Variants in TBC1D12 observed in about 807,000 individuals in gnomAD.
TBC1D12 encodes the protein TBC1 domain family member 12.
TBC1D12 carries 56 observed loss-of-function variants against 86.7 expected under a neutral mutation model. The ratio of observed to expected loss-of-function variants is 0.65; its 90% CI spans 0.52 to 0.81. TBC1D12 has a LOEUF of 0.81. TBC1D12 is among the 30% of genes least tolerant of loss of function. The pLI is 0.00. For missense variants in TBC1D12, 1,023 were observed against 1,038.8 expected, an observed-to-expected ratio of 0.98 and a Z score of 0.21; for synonymous variants, 421 against 411.7, an observed-to-expected ratio of 1.02 and a Z score of -0.27.
Position 94,468,603 on chromosome 10 carries a change from CT to C in TBC1D12, c.1096-6064del, listed in dbSNP as rs542865369. On this transcript the variant is annotated intron_variant, in intron 2 of 12. Coordinates refer to ENST00000225235, the MANE Select transcript of TBC1D12 (RefSeq NM_015188.2). Reference sequence around the variant, plus strand: ...TTCAATATAAGTGCTTTTTTTCTGGCTGCTTTTAAAATATTCTTCTTACCAT... The same window carrying C: ...TTCAATATAAGTGCTTTTTTTCTGGCGCTTTTAAAATATTCTTCTTACCAT... Among the ~76,000 whole-genome samples the C allele has an allele frequency of 2.2e-3, 334 of 152,082 alleles. 2 individuals carry two copies. The highest frequency in any genetic ancestry group is 7.3e-3 in the African/African-American group (304 of 41,492).
At chr10:94,416,454 CT>C (rs1049638169) in intron 1 of TBC1D12, among the ~76,000 whole-genome samples, 3 of 152,124 alleles carry the variant, frequency 2.0e-5, no homozygotes, top group African/African-American at 7.2e-5. Context: ...AATTTCCCCC[CT>C]AGAGCCACAA....
At chr10:94,463,638 C>T (rs1464658699) in intron 2 of TBC1D12, among the ~76,000 whole-genome samples, 3 of 152,222 alleles carry the variant, frequency 2.0e-5, no homozygotes, top group Admixed American at 2.0e-4. Context: ...AATATTCAAA[C>T]CATAACAGTC....
chr10:94,465,263 T>A (rs1369395893), intron 2 of TBC1D12, among the ~76,000 whole-genome samples: 1 of 152,244 alleles, frequency 6.6e-6, no homozygotes, highest in Admixed American at 6.5e-5. Context: ...ATCTTCCAAA[T>A]GTTACAGCAT....
In TBC1D12 at chr10:94,486,124, TTTC is replaced by T. The variant is rs1168821054; in HGVS notation, c.1212-7226_1212-7224del. 3.3e-3 allele frequency among the ~76,000 whole-genome samples: 459 copies of T among 139,424 alleles called. 24 individuals are homozygous for T. The highest frequency in any genetic ancestry group is 7.3e-3 in the Middle Eastern group (2 of 274). The allele number at this position is 139,424 out of a possible 152,430, so 91.5% of individuals were successfully genotyped here. Reference sequence around the variant, plus strand: ...TCATTTATTTGTGCTCTTTTTCTTTTTTCTTCTTCTTCTTCTTTTTTTTTTTTT... The same window carrying T: ...TCATTTATTTGTGCTCTTTTTCTTTTTTCTTCTTCTTCTTTTTTTTTTTTT... On this transcript the variant is annotated intron_variant, in intron 3 of 12. Coordinates refer to ENST00000225235, the MANE Select transcript of TBC1D12 (RefSeq NM_015188.2).
intron 1 of TBC1D12, among the ~76,000 whole-genome samples, chr10:94,418,046 G>A (rs951308824): frequency 9.2e-5 from 14 of 152,200 alleles, no homozygotes; most frequent in African/African-American, 2.9e-4. Context: ...GAGCCACCGC[G>A]CCCGGCCCAT....
chr10:94,502,386 G>A (rs2056409286), intron 6 of TBC1D12, among the ~76,000 whole-genome samples: 1 of 151,456 alleles, frequency 6.6e-6, no homozygotes, highest in Non-Finnish European at 1.5e-5. Flanking sequence ...GATAAAATTA[G>A]AATAATATCA....
intron 9 of TBC1D12, among the ~76,000 whole-genome samples, chr10:94,517,966 A>T (rs1208284844): frequency 1.3e-5 from 2 of 152,150 alleles, no homozygotes; most frequent in Non-Finnish European, 2.9e-5. Context: ...CAGCCTGGCC[A>T]ACGTGGCGAA....
chr10:94,441,443 A>G (rs1346305321), intron 1 of TBC1D12, among the ~76,000 whole-genome samples: 2 of 152,166 alleles, frequency 1.3e-5, no homozygotes, highest in Non-Finnish European at 2.9e-5. Context: ...GTACATGTAC[A>G]GTCAATTCTA....
At chr10:94,501,799 C>G (rs1437120720) in intron 6 of TBC1D12, among the ~76,000 whole-genome samples, 1 of 151,850 alleles carries the variant, frequency 6.6e-6, no homozygotes, top group African/African-American at 2.4e-5. Flanking sequence ...CCACTTGCCT[C>G]AGCCTCCCAA....
chr10:94,521,505 C>T (rs1209441556), intron 9 of TBC1D12, among the ~76,000 whole-genome samples: 1 of 152,100 alleles, frequency 6.6e-6, no homozygotes, highest in African/African-American at 2.4e-5. Flanking sequence ...CACAACGTCT[C>T]CTTTCTTGGT....
intron 9 of TBC1D12, among the ~76,000 whole-genome samples, chr10:94,512,987 G>T (rs763774197): frequency 6.6e-5 from 10 of 152,108 alleles, no homozygotes; most frequent in Non-Finnish European, 1.2e-4. Flanking sequence ...GGTGGCTCAC[G>T]CCTGTAATCC....
intron 6 of TBC1D12, among the ~76,000 whole-genome samples, chr10:94,501,064 GAATGAATA>G (rs2056389098): frequency 7.2e-6 from 1 of 139,432 alleles, no homozygotes; most frequent in Admixed American, 7.1e-5. Context: ...TCAAATGAAT[GAATGAATA>G]AATGAATGAA....
chr10:94,471,680 C>A (rs998216708), intron 2 of TBC1D12, among the ~76,000 whole-genome samples: 1 of 152,162 alleles, frequency 6.6e-6, no homozygotes, highest in Non-Finnish European at 1.5e-5. Context: ...CCATCATCCA[C>A]CATGGCCATG....
chr10:94,436,879 T>C (rs769233374), intron 1 of TBC1D12, among the ~76,000 whole-genome samples: 95 of 152,132 alleles, frequency 6.2e-4, no homozygotes, highest in Middle Eastern at 6.8e-3. Flanking sequence ...AGCTAATTTT[T>C]GTATTTTTAG....
intron 1 of TBC1D12, among the ~76,000 whole-genome samples, chr10:94,424,143 T>A (rs2055117180): frequency 6.6e-6 from 1 of 152,198 alleles, no homozygotes; most frequent in Non-Finnish European, 1.5e-5. Flanking sequence ...CTTGAACATC[T>A]GAGAACTTTG....
intron 9 of TBC1D12, among the ~76,000 whole-genome samples, chr10:94,521,221 C>CAAAAAAAAAAAAAAACA (rs1842142295): frequency 4.1e-5 from 2 of 48,560 alleles, no homozygotes; most frequent in African/African-American, 6.7e-5. Flanking sequence ...AAAAAGAAAC[C>CAAAAAAAAAAAAAAACA]AAAAAAAAAA....
At chr10:94,529,474 C>T (rs1200911182) in intron 11 of TBC1D12, among the ~76,000 whole-genome samples, 1 of 152,088 alleles carries the variant, frequency 6.6e-6, no homozygotes, top group Non-Finnish European at 1.5e-5. Flanking sequence ...CAAAATTAGC[C>T]GGGCGTGGTG....
At chr10:94,510,241 G>A (rs1220841712) in intron 8 of TBC1D12, 62 bp downstream of exon 8, 2 of 1,229,180 alleles carry the variant, frequency 1.6e-6, no homozygotes, top group African/African-American at 3.1e-5. Context: ...CAAGGCAACA[G>A]ATTCTTTAAA....
At chr10:94,412,107 C>CT (rs2054936070) in intron 1 of TBC1D12, among the ~76,000 whole-genome samples, 1 of 152,178 alleles carries the variant, frequency 6.6e-6, no homozygotes, top group African/African-American at 2.4e-5. Context: ...TTTGAATTAG[C>CT]TTACTAGCTC....
Sources: gnomAD v4.1 joint callset for allele counts (sites outside exome capture counted in the v4.1 genomes callset) on GRCh38, gnomAD v4.1.1 for gene constraint, MANE v1.5 for transcripts, NCBI Gene and HGNC (gene_info 2026-07-23, HGNC 2026-07-21) for gene names.